The following F8 variants were observed in gnomAD, a reference collection of about 807,000 sequenced individuals.
F8 encodes coagulation factor VIII.
In F8, 12 loss-of-function variants were observed where a neutral mutation model predicts 140.6. That is an observed-to-expected ratio of 0.09 (90% confidence interval 0.05 to 0.14). F8 has a LOEUF of 0.14. Ranked by LOEUF, F8 falls within the 10% of genes least tolerant of loss-of-function variation. F8 has a pLI of 1.00. For missense variants in F8, 1,354 were observed against 1,720.7 expected (o/e 0.79, Z 3.77); for synonymous variants, 585 against 614.6 (o/e 0.95, Z 0.71).
At chrX:154,915,263 A>G (rs936638404) in intron 14 of F8, among the ~76,000 whole-genome samples, 1 of 112,052 alleles carries the variant, frequency 8.9e-6, no homozygotes, top group Non-Finnish European at 1.9e-5. Context: ...TATGGGAACT[A>G]CAATTCAAGA....
chrX:154,950,772 C>A (rs1375818461), intron 12 of F8, among the ~76,000 whole-genome samples: 1 of 111,905 alleles, frequency 8.9e-6, no homozygotes, highest in Non-Finnish European at 1.9e-5. Flanking sequence ...TCCCAGTACT[C>A]GGAATATATC....
chrX:155,020,634 G>C (rs1222663814), intron 1 of F8, among the ~76,000 whole-genome samples: 3 of 112,094 alleles, frequency 2.7e-5, no homozygotes, highest in African/African-American at 9.7e-5. Flanking sequence ...AATAATAAAA[G>C]GGTTCTCATA....
chrX:155,012,574 T>A (rs901285501), intron 1 of F8, among the ~76,000 whole-genome samples: 1 of 111,615 alleles, frequency 9.0e-6, no homozygotes, highest in Non-Finnish European at 1.9e-5. Context: ...TCCCAAAGTG[T>A]TGGGGTTACA....
At chrX:154,977,923 T>A (rs1557283149) in intron 6 of F8, among the ~76,000 whole-genome samples, 1 of 110,987 alleles carries the variant, frequency 9.0e-6, no homozygotes, top group East Asian at 2.8e-4. Flanking sequence ...TAGTGCCTAA[T>A]ATGTCATGAA....
At chrX:154,933,777 G>A (rs781966029) in intron 13 of F8, among the ~76,000 whole-genome samples, 2 of 112,332 alleles carry the variant, frequency 1.8e-5, no homozygotes, top group South Asian at 7.3e-4. Context: ...ACACAAGAAG[G>A]CACAGCTTCC....
rs145813556 is a variant in F8 at position 154,860,347 on chromosome X, T to C, written c.6900+85A>G. On this transcript the variant is annotated intron_variant, in intron 25 of 25. Coordinates refer to ENST00000360256, the MANE Select transcript of F8 (RefSeq NM_000132.4). ...ATTTTGCTCTGAAAATTTGGTCATA[T>C]ATCAACCTTTTTATGTTATGTTAAG... 7.3e-4 allele frequency: 795 copies of C among 1,083,903 alleles called. 2 individuals carry two copies. The African/African-American group carries it at 0.014, about 19-fold the overall frequency. 89.3% of individuals were successfully genotyped at this position (1,083,903 alleles called of 1,213,427 possible).
At chrX:154,925,918 G>A (rs2073157835) in intron 14 of F8, among the ~76,000 whole-genome samples, 1 of 111,786 alleles carries the variant, frequency 8.9e-6, no homozygotes, top group Admixed American at 9.4e-5. Flanking sequence ...ATTTGGGAGG[G>A]GATGGGGTGG....
intron 1 of F8, among the ~76,000 whole-genome samples, chrX:155,001,372 T>G (rs1387662032): frequency 2.0e-5 from 2 of 98,458 alleles, no homozygotes; most frequent in Non-Finnish European, 4.1e-5. Context: ...TGGAGTGCAG[T>G]GGCGAGATCC....
intron 11 of F8, among the ~76,000 whole-genome samples, chrX:154,955,697 G>C (rs1286574760): frequency 1.8e-5 from 2 of 110,984 alleles, no homozygotes; most frequent in Non-Finnish European, 3.8e-5. Flanking sequence ...ATTTTCAAAG[G>C]GGAGGGAGTG....
At chrX:154,964,618 C>T (rs782516120) in intron 9 of F8, among the ~76,000 whole-genome samples, 42 of 111,907 alleles carry the variant, frequency 3.8e-4, no homozygotes, top group Non-Finnish European at 6.4e-4. Flanking sequence ...GTTGTGTCAG[C>T]TGCCATTTGG....
At chrX:154,933,670 A>G (rs1291044106) in intron 13 of F8, among the ~76,000 whole-genome samples, 2 of 112,142 alleles carry the variant, frequency 1.8e-5, no homozygotes, top group Admixed American at 9.5e-5. Flanking sequence ...GGAGAAGGAA[A>G]CAGAAGTCAG....
At chrX:154,995,625 A>G (rs2073612590) in intron 3 of F8, among the ~76,000 whole-genome samples, 1 of 112,435 alleles carries the variant, frequency 8.9e-6, no homozygotes, top group Non-Finnish European at 1.9e-5. Context: ...TCACTGTTCA[A>G]TAGAAATATA....
At chrX:154,919,750 T>C in intron 14 of F8, 1 of 321,412 alleles carries the variant, frequency 3.1e-6, no homozygotes, top group Non-Finnish European at 5.5e-6. Context: ...GCCCATGGCC[T>C]CACAATATTT....
intron 15 of F8, among the ~76,000 whole-genome samples, chrX:154,905,581 T>A (rs1347562907): frequency 8.9e-6 from 1 of 111,825 alleles, no homozygotes; most frequent in Non-Finnish European, 1.9e-5. Context: ...AAAACTACTT[T>A]GATCTTTGGT....
chrX:154,894,869 G>A (rs2072971043), intron 22 of F8, among the ~76,000 whole-genome samples: 1 of 111,368 alleles, frequency 9.0e-6, no homozygotes, highest in South Asian at 3.8e-4. Flanking sequence ...CCAACCACCA[G>A]AAAAGCAAGA....
chrX:154,864,334 T>C (rs1225854982), intron 22 of F8, among the ~76,000 whole-genome samples: 2 of 112,481 alleles, frequency 1.8e-5, no homozygotes, highest in African/African-American at 3.2e-5. Flanking sequence ...AATGGGCCCA[T>C]TGTCTGAGTA....
chrX:154,912,631 G>C (rs1557276843), intron 14 of F8, among the ~76,000 whole-genome samples: 2 of 112,162 alleles, frequency 1.8e-5, no homozygotes, highest in African/African-American at 6.5e-5. Flanking sequence ...AAATAAAGTA[G>C]CATCATGCCT....
chrX:154,858,176 C>A (rs2072663788), intron 25 of F8, among the ~76,000 whole-genome samples: 1 of 112,008 alleles, frequency 8.9e-6, no homozygotes, highest in Admixed American at 9.4e-5. Context: ...TCTGTGGATA[C>A]CAGTCATCCT....
chrX:154,931,697 G>A (rs1557278881), intron 13 of F8, 21 bp from the exon 14 acceptor site: 2 of 1,162,117 alleles, frequency 1.7e-6, no homozygotes, highest in East Asian at 5.9e-5. Flanking sequence ...GGAAGAATAA[G>A]ACTCTGGTTA....
Sources: allele counts gnomAD v4.1 joint callset (sites outside exome capture counted in the v4.1 genomes callset), GRCh38; gene constraint gnomAD v4.1.1; transcripts MANE v1.5; gene names NCBI Gene and HGNC (gene_info 2026-07-23, HGNC 2026-07-21).